Variants in COL22A1 observed in about 807,000 individuals in gnomAD.
The protein encoded by COL22A1 is collagen alpha-1(XXII) chain.
A neutral mutation model predicts 248.9 loss-of-function variants in COL22A1; 221 were observed. That is an observed-to-expected ratio of 0.89 (90% CI 0.80 to 0.99). The LOEUF (loss-of-function observed/expected upper bound fraction) is 0.99. Ranked by LOEUF, COL22A1 falls within the 50% of genes least tolerant of loss-of-function variation. The pLI is 0.00. For synonymous variants in COL22A1, 891 were observed against 793.4 expected, an observed-to-expected ratio of 1.12 and a Z score of -2.07; for missense variants, 2,240 against 2,179.0, an observed-to-expected ratio of 1.03 and a Z score of -0.56.
Position 138,818,630 on chromosome 8 carries a change from C to G in COL22A1, c.1245+2506G>C, listed in dbSNP as rs142710831. Among the ~76,000 whole-genome samples the G allele has an allele frequency of 6.0e-3, 908 of 152,284 alleles. 6 individuals carry two copies. The highest frequency in any genetic ancestry group is 0.02 in the African/African-American group (824 of 41,554). ...CCTCCAATTCTCCAGGAGCATCTCT[C>G]TCCATCTGTGAAATGAGGATGTCCA... On this transcript the variant is annotated intron_variant, in intron 7 of 64. Transcript: ENST00000303045.
intron 16 of COL22A1, among the ~76,000 whole-genome samples, chr8:138,771,767 A>G (rs1586704033): frequency 6.6e-6 from 1 of 152,316 alleles, no homozygotes; most frequent in East Asian, 1.9e-4. Flanking sequence ...GAAGACATTA[A>G]TATTTCCATC....
At position 138,724,638 on chromosome 8, in the gene COL22A1, T is replaced by C. The variant is rs1166153216; in HGVS notation, c.2224A>G (p.Lys742Glu). ...ACCGTGGGCCCAGGAGGTCCAGGCTTTCCCGGGAAGCCGATCTCTCCAGGC... is the reference window on the plus strand; with the variant it reads ...ACCGTGGGCCCAGGAGGTCCAGGCTCTCCCGGGAAGCCGATCTCTCCAGGC... ...GLPGEIGFPG[K>E]PGPPGPTGPP... Residue 742 changes from lysine (K) to glutamate (E), a missense_variant, in exon 25 of 65, where the codon AAG becomes GAG. Transcript: ENST00000303045. 2 of 1,614,178 alleles carry C rather than the reference T, an allele frequency of 1.2e-6. No homozygotes were observed. Among genetic ancestry groups the C allele is most frequent in the Non-Finnish European group, 1.7e-6 (2 of 1,180,010 alleles).
At chr8:138,637,779 A>C (rs1821319196) in intron 47 of COL22A1, among the ~76,000 whole-genome samples, 1 of 151,034 alleles carries the variant, frequency 6.6e-6, no homozygotes, top group Admixed American at 6.7e-5. Context: ...GCTCTCAAAA[A>C]AACATTAGCT....
rs528995377 is a variant in COL22A1, at chr8:138,808,040, T to C, written c.1450-228A>G. ...CACAGCCTCCAGGTGCAGCTACCGGTGGACACAAGATAGAAACAAGCAAAC... is the reference window on the plus strand; with the variant it reads ...CACAGCCTCCAGGTGCAGCTACCGGCGGACACAAGATAGAAACAAGCAAAC... On this transcript the variant is annotated intron_variant, in intron 9 of 64. Transcript: ENST00000303045. 1.8e-4 allele frequency among the ~76,000 whole-genome samples: 28 copies of C among 152,160 alleles called. 1 individual carries two copies. The highest frequency in any genetic ancestry group is 4.2e-4 in the South Asian group (2 of 4,806).
intron 23 of COL22A1, among the ~76,000 whole-genome samples, chr8:138,730,887 G>C (rs375407580): frequency 7.9e-5 from 12 of 152,114 alleles, no homozygotes; most frequent in Admixed American, 5.2e-4. Context: ...CTAGATGGGA[G>C]GGGGAGGGGA....
intron 44 of COL22A1, among the ~76,000 whole-genome samples, chr8:138,658,879 T>TCTCTTCTCTCTTCC (rs1823533671): frequency 6.6e-6 from 1 of 152,052 alleles, no homozygotes; most frequent in Non-Finnish European, 1.5e-5. Flanking sequence ...TTCTCTCTTC[T>TCTCTTCTCTCTTCC]CTCTTCTCTC....
intron 47 of COL22A1, among the ~76,000 whole-genome samples, chr8:138,638,908 A>G (rs1821426594): frequency 6.6e-6 from 1 of 152,074 alleles, no homozygotes; most frequent in Non-Finnish European, 1.5e-5. Context: ...CAGCTCAAGG[A>G]TCTCCACAGT....
chr8:138,696,634 C>T (rs1286321372), intron 32 of COL22A1, among the ~76,000 whole-genome samples: 7 of 152,316 alleles, frequency 4.6e-5, no homozygotes, highest in African/African-American at 1.7e-4. Flanking sequence ...ACATGGCCTG[C>T]GGCTGTCTTC....
chr8:138,896,576 G>C (rs1295158871), intron 1 of COL22A1, among the ~76,000 whole-genome samples: 1 of 152,188 alleles, frequency 6.6e-6, no homozygotes, highest in Non-Finnish European at 1.5e-5. Flanking sequence ...GGGAAACTAA[G>C]GAATGAGGAA....
intron 32 of COL22A1, among the ~76,000 whole-genome samples, chr8:138,698,169 G>A (rs762481382): frequency 2.0e-5 from 3 of 152,234 alleles, no homozygotes; most frequent in Non-Finnish European, 4.4e-5. Context: ...GATGTCAGGG[G>A]CAGGGGGAGG....
chr8:138,657,980 T>C (rs1823445442), intron 44 of COL22A1, among the ~76,000 whole-genome samples: 1 of 152,162 alleles, frequency 6.6e-6, no homozygotes, highest in South Asian at 2.1e-4. Flanking sequence ...CCCTGTCATG[T>C]CCTGCTTCCC....
At chr8:138,883,428 AT>A (rs1824398716) in intron 1 of COL22A1, among the ~76,000 whole-genome samples, 184 bp from the exon 2 acceptor site, 1 of 152,150 alleles carries the variant, frequency 6.6e-6, no homozygotes, top group Non-Finnish European at 1.5e-5. Flanking sequence ...CCTCCCCTTC[AT>A]GGATTTACGC....
chr8:138,880,269 A>G (rs1426088599), intron 2 of COL22A1, among the ~76,000 whole-genome samples: 1 of 152,242 alleles, frequency 6.6e-6, no homozygotes, highest in Non-Finnish European at 1.5e-5. Context: ...CTTTTCCAAT[A>G]TACCATTGGG....
chr8:138,776,410 A>G (rs764033069), intron 15 of COL22A1, among the ~76,000 whole-genome samples: 1 of 152,146 alleles, frequency 6.6e-6, no homozygotes, highest in African/African-American at 2.4e-5. Flanking sequence ...AGGGGTCCCA[A>G]CGTTGAATCA....
chr8:138,793,290 G>T (rs548291196), intron 12 of COL22A1, among the ~76,000 whole-genome samples: 1 of 152,066 alleles, frequency 6.6e-6, no homozygotes, highest in Non-Finnish European at 1.5e-5. Flanking sequence ...CTCTCTAGAC[G>T]CTATCAATTC....
At chr8:138,784,590 T>C (rs1419624637) in intron 12 of COL22A1, among the ~76,000 whole-genome samples, 2 of 152,210 alleles carry the variant, frequency 1.3e-5, no homozygotes, top group African/African-American at 4.8e-5. Flanking sequence ...CACACATGCA[T>C]GTTTAATAAT....
At chr8:138,895,699 A>G (rs1421371324) in intron 1 of COL22A1, among the ~76,000 whole-genome samples, 1 of 152,194 alleles carries the variant, frequency 6.6e-6, no homozygotes, top group African/African-American at 2.4e-5. Flanking sequence ...CATAACTTTC[A>G]TATCACAGCA....
intron 33 of COL22A1, 36 bp downstream of exon 33, chr8:138,694,790 C>T (rs968112797): frequency 6.2e-7 from 1 of 1,609,966 alleles, no homozygotes; most frequent in Non-Finnish European, 8.5e-7. Context: ...CTCCAGGTAA[C>T]CAGCCCTGCG....
Position 138,883,246 on chromosome 8 carries a change from T to C in COL22A1, c.-72-2A>G. On this transcript the variant is annotated splice_acceptor_variant, in intron 1 of 64. Transcript: ENST00000303045. LOFTEE classifies it low-confidence loss of function (5UTR_SPLICE). ...TGTTAGGGTCTACAGCAGCATGGCC[T>C]GTGTGGAGAAAGACACCCTTAGAGA... 7.0e-7 allele frequency: 1 copy of C among 1,421,878 alleles called. No individual in the cohort carries two copies. The highest frequency in any genetic ancestry group is 9.6e-7 in the Non-Finnish European group (1 of 1,040,108). The allele number at this position is 1,421,878 out of a possible 1,614,324, so 88.1% of individuals were successfully genotyped here.
Sources: gnomAD v4.1 joint callset for allele counts (sites outside exome capture counted in the v4.1 genomes callset) on GRCh38, gnomAD v4.1.1 for gene constraint, MANE v1.5 for transcripts, NCBI Gene and HGNC (gene_info 2026-07-23, HGNC 2026-07-21) for gene names.